PRKACB: variants seen among roughly 807,000 people sequenced by gnomAD.
PRKACB encodes the protein protein kinase cAMP-activated catalytic subunit beta.
PRKACB carries 16 observed loss-of-function variants against 51.4 expected under a neutral mutation model. The ratio of observed to expected loss-of-function variants is 0.31; its 90% CI spans 0.21 to 0.47. PRKACB has a LOEUF of 0.47. Among genes scored for constraint, PRKACB ranks in the 20% least tolerant of loss-of-function variants. The probability of loss-of-function intolerance (pLI) is 1.00; values close to 1 mark genes in which losing one functional copy is unlikely to be tolerated. For synonymous variants in PRKACB, 147 were observed against 154.4 expected (o/e 0.95, Z 0.35); for missense variants, 309 against 464.5 (o/e 0.67, Z 3.08).
intron 7 of PRKACB, among the ~76,000 whole-genome samples, chr1:84,202,108 A>C (rs1187211175): frequency 1.3e-5 from 2 of 152,094 alleles, no homozygotes; most frequent in African/African-American, 2.4e-5. Context: ...AAATATTTAC[A>C]TGAATTGAAT....
Position 84,111,118 on chromosome 1 carries a change from G to T in PRKACB, c.46+32747G>T, listed in dbSNP as rs1166947012. Among the ~76,000 whole-genome samples, 4 of 152,004 alleles carry T rather than the reference G, an allele frequency of 2.6e-5. No homozygotes were observed. In the East Asian group the frequency reaches 7.7e-4, roughly 29 times the overall value. On this transcript the variant is annotated intron_variant, in intron 1 of 8. Transcript: ENST00000370688. ...ACTCCCTGCTTAAAATTATCTTTAT[G>T]GTGCTCCATTGCATATAAGATAAAA...
intron 1 of PRKACB, among the ~76,000 whole-genome samples, chr1:84,167,788 G>A (rs1160787712): frequency 6.6e-6 from 1 of 151,064 alleles, no homozygotes; most frequent in Non-Finnish European, 1.5e-5. Context: ...GACTTTTTTT[G>A]GTTCAGAAAA....
chr1:84,093,619 A>G (rs1274103949), intron 1 of PRKACB, among the ~76,000 whole-genome samples: 1 of 151,986 alleles, frequency 6.6e-6, no homozygotes, highest in Admixed American at 6.6e-5. Flanking sequence ...GTCAATTTTC[A>G]CATACATAAT....
intron 5 of PRKACB, among the ~76,000 whole-genome samples, chr1:84,186,597 G>A (rs1209496648): frequency 6.6e-6 from 1 of 152,090 alleles, no homozygotes; most frequent in Non-Finnish European, 1.5e-5. Flanking sequence ...TAGGTATGAT[G>A]AGAATGACTA....
At chr1:84,199,047 GCA>G (rs1669126250) in intron 7 of PRKACB, among the ~76,000 whole-genome samples, 1 of 135,888 alleles carries the variant, frequency 7.4e-6, no homozygotes, top group African/African-American at 2.7e-5. Context: ...GCATATGTAT[GCA>G]TATATATATG....
At chr1:84,105,528 A>G (rs535008332) in intron 1 of PRKACB, among the ~76,000 whole-genome samples, 1 of 151,832 alleles carries the variant, frequency 6.6e-6, no homozygotes, top group South Asian at 2.1e-4. Flanking sequence ...GCATTTACAG[A>G]TAACCACTGT....
chr1:84,085,715 C>T (rs1557901311), intron 1 of PRKACB: 4 of 219,014 alleles, frequency 1.8e-5, no homozygotes, highest in Non-Finnish European at 3.6e-5. Flanking sequence ...CTGGGCTGTG[C>T]ATCCCTCTGC....
At chr1:84,217,834 A>G (rs1017762529) in intron 9 of PRKACB, among the ~76,000 whole-genome samples, 28 of 152,222 alleles carry the variant, frequency 1.8e-4, no homozygotes, top group African/African-American at 6.5e-4. Flanking sequence ...AAGTGTATCT[A>G]TCGAACTTCT....
intron 1 of PRKACB, among the ~76,000 whole-genome samples, chr1:84,145,310 C>T (rs1406720440): frequency 6.6e-6 from 1 of 152,090 alleles, no homozygotes; most frequent in Non-Finnish European, 1.5e-5. Context: ...ACCTTGGACC[C>T]TCCTCAAGGT....
intron 1 of PRKACB, among the ~76,000 whole-genome samples, chr1:84,099,547 C>A (rs1343434276): frequency 6.6e-6 from 1 of 151,304 alleles, no homozygotes; most frequent in Non-Finnish European, 1.5e-5. Flanking sequence ...TGAATTGTTC[C>A]CCCCCCTTTT....
chr1:84,175,090 C>T (rs1430576128), intron 1 of PRKACB: 6 of 1,394,336 alleles, frequency 4.3e-6, no homozygotes, highest in South Asian at 3.4e-5. Flanking sequence ...ACAAATATTA[C>T]CTTTAAAATT....
At chr1:84,145,728 T>C (rs1457004008) in intron 1 of PRKACB, among the ~76,000 whole-genome samples, 1 of 152,008 alleles carries the variant, frequency 6.6e-6, no homozygotes, top group Non-Finnish European at 1.5e-5. Flanking sequence ...TATCTTCAAG[T>C]TAATGAACTG....
intron 5 of PRKACB, among the ~76,000 whole-genome samples, chr1:84,195,937 G>A (rs773273976): frequency 1.4e-4 from 21 of 151,126 alleles, no homozygotes; most frequent in Admixed American, 1.3e-4. Flanking sequence ...AGAACTGTAC[G>A]TATTTACACT....
Position 84,185,613 on chromosome 1 carries a change from T to C in PRKACB, c.560+431T>C, listed in dbSNP as rs531809469. On this transcript the variant is annotated intron_variant, in intron 5 of 9. Transcript: ENST00000370685. Reference sequence around the variant, plus strand: ...GGTAATAAGATTATAAAAGTTTGTTTTTCACAAATTTAATTCTCCTTAAAG... The same window carrying C: ...GGTAATAAGATTATAAAAGTTTGTTCTTCACAAATTTAATTCTCCTTAAAG... 5.9e-5 allele frequency among the ~76,000 whole-genome samples: 9 copies of C among 152,008 alleles called. No individual in the cohort carries two copies. The South Asian group carries it at 1.9e-3, about 31-fold the overall frequency.
chr1:84,181,742 AAG>A (rs760438180), intron 2 of PRKACB: 1 of 1,487,070 alleles, frequency 6.7e-7, no homozygotes, highest in South Asian at 1.3e-5. Context: ...ACTTTAGTGA[AAG>A]AGCTCTGATC....
intron 1 of PRKACB, among the ~76,000 whole-genome samples, chr1:84,097,637 C>A (rs1378299255): frequency 6.6e-6 from 1 of 152,040 alleles, no homozygotes; most frequent in East Asian, 1.9e-4. Context: ...AACCAGGAAA[C>A]CTGGTGCTGT....
At chr1:84,227,292 C>G (rs112490260) in intron 9 of PRKACB, among the ~76,000 whole-genome samples, 3,880 of 152,038 alleles carry the variant, frequency 0.026, 176 homozygotes, top group African/African-American at 0.088. Flanking sequence ...TACTTTTTGA[C>G]TCAATTTAAG....
rs1186669439 is a variant in PRKACB, at chr1:84,179,167, A to G, written c.188-10A>G. 16 of 1,584,620 alleles carry G rather than the reference A, an allele frequency of 1.0e-5. No individual in the cohort carries two copies. Among genetic ancestry groups the G allele is most frequent in the African/African-American group, 1.4e-5 (1 of 73,940 alleles). ...ACAAGATAAATTTGTTTTTATATGT[A>G]TATTTTCAGTGAAAGAGTTTCTAGC... On this transcript the variant is annotated splice_polypyrimidine_tract_variant and intron_variant, in intron 1 of 9. Coordinates refer to ENST00000370685, the MANE Select transcript of PRKACB (RefSeq NM_182948.4).
At chr1:84,121,285 C>G (rs1651043207) in intron 1 of PRKACB, among the ~76,000 whole-genome samples, 1 of 151,718 alleles carries the variant, frequency 6.6e-6, no homozygotes, top group African/African-American at 2.4e-5. Context: ...TAATCTCTTT[C>G]ATATTTCATT....
Sources: gnomAD v4.1 joint callset for allele counts (sites outside exome capture counted in the v4.1 genomes callset) on GRCh38, gnomAD v4.1.1 for gene constraint, MANE v1.5 for transcripts, NCBI Gene and HGNC (gene_info 2026-07-23, HGNC 2026-07-21) for gene names.